NBAS: variants seen among roughly 807,000 people sequenced by gnomAD.
NBAS encodes NBAS subunit of NRZ tethering complex.
Under a neutral mutation model 302.5 loss-of-function variants are expected in NBAS, and 219 were observed. That is an observed-to-expected ratio of 0.72 (90% CI 0.65 to 0.81). The LOEUF (loss-of-function observed/expected upper bound fraction) is 0.81, where lower values mean the gene tolerates loss of function less well. Among genes scored for constraint, NBAS ranks in the 30% least tolerant of loss-of-function variants. The probability of loss-of-function intolerance (pLI) is 0.00; values close to 1 mark genes in which losing one functional copy is unlikely to be tolerated. For synonymous variants in NBAS, 1,118 were observed against 1,021.6 expected, an observed-to-expected ratio of 1.09 and a Z score of -1.80; for missense variants, 2,932 against 2,841.6, an observed-to-expected ratio of 1.03 and a Z score of -0.72.
chr2:15,213,389 C>T (rs996617673), intron 48 of NBAS, among the ~76,000 whole-genome samples: 5 of 152,138 alleles, frequency 3.3e-5, no homozygotes, highest in Non-Finnish European at 5.9e-5. Flanking sequence ...TGTATCGAGA[C>T]GTGACAAATG....
chr2:14,960,425 G>C, the NBAS span, among the ~76,000 whole-genome samples: 2 of 152,210 alleles, frequency 1.3e-5, no homozygotes, highest in East Asian at 1.9e-4. Flanking sequence ...TTCATTTGTA[G>C]AGTGTGTTCT....
At chr2:15,391,871 T>C (rs1021316720) in intron 28 of NBAS, among the ~76,000 whole-genome samples, 1 of 147,362 alleles carries the variant, frequency 6.8e-6, no homozygotes, top group African/African-American at 2.5e-5. Context: ...TTCTGTACCG[T>C]AGCATACTAA....
chr2:15,552,279 A>G (rs1664418976), intron 5 of NBAS, among the ~76,000 whole-genome samples: 1 of 152,228 alleles, frequency 6.6e-6, no homozygotes, highest in African/African-American at 2.4e-5. Context: ...TAAAGAGATT[A>G]AACTTTGCTA....
intron 38 of NBAS, among the ~76,000 whole-genome samples, chr2:15,315,748 C>T (rs1671479285): frequency 6.6e-6 from 1 of 152,182 alleles, no homozygotes; most frequent in Non-Finnish European, 1.5e-5. Flanking sequence ...TATCTCATGA[C>T]TTTTTTTCTC....
the NBAS span, among the ~76,000 whole-genome samples, chr2:15,030,534 A>C: frequency 6.6e-6 from 1 of 152,172 alleles, no homozygotes; most frequent in Non-Finnish European, 1.5e-5. Context: ...GCCACTGCAA[A>C]GAAGGAAGGA....
At chr2:15,302,332 A>T (rs1408052565) in intron 40 of NBAS, among the ~76,000 whole-genome samples, 4 of 152,214 alleles carry the variant, frequency 2.6e-5, no homozygotes, top group Non-Finnish European at 4.4e-5. Flanking sequence ...ACTCATGCCC[A>T]TGTGCTATCT....
intron 48 of NBAS, among the ~76,000 whole-genome samples, chr2:15,192,442 G>T (rs1164985487): frequency 2.0e-5 from 3 of 151,896 alleles, no homozygotes; most frequent in Non-Finnish European, 2.9e-5. Context: ...TAAATTTGTG[G>T]CTGGTTTCAT....
the NBAS span, among the ~76,000 whole-genome samples, chr2:14,983,858 T>C: frequency 1.3e-5 from 2 of 152,144 alleles, no homozygotes; most frequent in Admixed American, 1.3e-4. Flanking sequence ...AAGCAGAACT[T>C]GATTCTGTGG....
Position 15,356,283 on chromosome 2 carries a change from T to C in NBAS, c.3931+20A>G. The C allele has an allele frequency of 6.3e-7, 1 of 1,584,746 alleles. No homozygotes were observed. The highest frequency in any genetic ancestry group is 1.3e-5 in the African/African-American group (1 of 74,418). ...CATAAAGAGGACATAAGCAAAGTGT[T>C]AAATAAGCTGTCTACTCACCTGTGG... is the stretch of plus-strand genomic sequence containing the variant. On this transcript the variant is annotated intron_variant, in intron 33 of 51. Transcript: ENST00000281513.
Position 15,461,225 on chromosome 2 carries a change from T to C in NBAS, c.2315A>G (p.Tyr772Cys), listed in dbSNP as rs1461337664. The C allele has an allele frequency of 6.2e-7, 1 of 1,613,758 alleles. No homozygotes were observed. The highest frequency in any genetic ancestry group is 8.5e-7 in the Non-Finnish European group (1 of 1,179,856). Reference protein sequence around the residue: ...NFPETTSPHEYSVLLPEACFN... With the variant: ...NFPETTSPHECSVLLPEACFN... ...CCAAGCTTCGGGCAGCAAAACAGAA[T>C]ATTCATGTGGAGAAGTGGTCTCTGG... is the stretch of plus-strand genomic sequence containing the variant. The change falls in exon 21 of 52, where the codon TAT becomes TGT. Residue 772 changes from tyrosine to cysteine, a missense_variant. Coordinates refer to ENST00000281513, the MANE Select transcript of NBAS (RefSeq NM_015909.4).
intron 42 of NBAS, among the ~76,000 whole-genome samples, chr2:15,281,601 A>G (rs771521649): frequency 6.6e-6 from 1 of 152,194 alleles, no homozygotes; most frequent in South Asian, 2.1e-4. Flanking sequence ...TCAATCTCAC[A>G]GCAGTTCTGC....
At chr2:14,950,339 T>G in the NBAS span, among the ~76,000 whole-genome samples, 1 of 152,228 alleles carries the variant, frequency 6.6e-6, no homozygotes, top group African/African-American at 2.4e-5. Context: ...GCAAGTGCTG[T>G]TAATTCATTC....
intron 21 of NBAS, among the ~76,000 whole-genome samples, chr2:15,460,717 A>C (rs1388595772): frequency 6.6e-6 from 1 of 152,224 alleles, no homozygotes; most frequent in Non-Finnish European, 1.5e-5. Flanking sequence ...CCGTGAATTA[A>C]GAGGAGGATA....
the NBAS span, among the ~76,000 whole-genome samples, chr2:15,161,255 A>G: frequency 0.13 from 19,416 of 152,204 alleles, 1,584 homozygotes; most frequent in South Asian, 0.22. Flanking sequence ...GCTAACCGCT[A>G]AAGTCTATGA....
chr2:15,007,429 G>C, the NBAS span, among the ~76,000 whole-genome samples: 3 of 152,128 alleles, frequency 2.0e-5, no homozygotes, highest in Non-Finnish European at 4.4e-5. Context: ...CTTAGAATTT[G>C]CCATCCTTTG....
chr2:15,042,495 G>T, the NBAS span, among the ~76,000 whole-genome samples: 1 of 152,242 alleles, frequency 6.6e-6, no homozygotes, highest in Non-Finnish European at 1.5e-5. Flanking sequence ...TACCAGGAAA[G>T]GAGAGAGAAG....
At chr2:15,451,992 T>C (rs970692645) in intron 21 of NBAS, among the ~76,000 whole-genome samples, 5 of 151,266 alleles carry the variant, frequency 3.3e-5, no homozygotes, top group Admixed American at 1.3e-4. Flanking sequence ...TTGAGAACAT[T>C]ACGCTAAAAA....
the NBAS span, among the ~76,000 whole-genome samples, chr2:14,913,057 C>T: frequency 1.3e-5 from 2 of 152,220 alleles, no homozygotes. Flanking sequence ...TTATAAGAGG[C>T]TGTATCTCAT....
At chr2:14,838,906 T>A in the NBAS span, among the ~76,000 whole-genome samples, 1 of 152,014 alleles carries the variant, frequency 6.6e-6, no homozygotes, top group African/African-American at 2.4e-5. Context: ...GTAAAGGTAA[T>A]ACCTGTAGGA....
Sources: allele counts gnomAD v4.1 joint callset (sites outside exome capture counted in the v4.1 genomes callset), GRCh38; gene constraint gnomAD v4.1.1; transcripts MANE v1.5; gene names NCBI Gene and HGNC (gene_info 2026-07-23, HGNC 2026-07-21).